Variants in GTSF1 observed in about 807,000 individuals in gnomAD.
The protein encoded by GTSF1 is gametocyte specific factor 1, also known as gametocyte-specific factor 1.
A neutral mutation model predicts 28.9 loss-of-function variants in GTSF1; 11 were observed. That is an observed-to-expected ratio of 0.38 (90% CI 0.24 to 0.63). GTSF1 has a LOEUF of 0.63. Among genes scored for constraint, GTSF1 ranks in the 30% least tolerant of loss-of-function variants. The pLI is 0.56. For missense variants in GTSF1, 146 were observed against 201.0 expected, an observed-to-expected ratio of 0.73 and a Z score of 1.66; for synonymous variants, 69 against 65.6, an observed-to-expected ratio of 1.05 and a Z score of -0.25.
At chr12:54,458,521 A>C (rs1436606150) in intron 8 of GTSF1, among the ~76,000 whole-genome samples, 1 of 151,870 alleles carries the variant, frequency 6.6e-6, no homozygotes, top group Non-Finnish European at 1.5e-5. Flanking sequence ...ACAGGCGTGC[A>C]CCACCACGCC....
chr12:54,469,680 T>G (rs1372779533), intron 2 of GTSF1, among the ~76,000 whole-genome samples: 13 of 111,152 alleles, frequency 1.2e-4, no homozygotes, highest in Non-Finnish European at 2.1e-4. Context: ...AGAGCGAGAC[T>G]CCTTCTCAAA....
At chr12:54,464,736 T>C in intron 3 of GTSF1, 1 of 161,878 alleles carries the variant, frequency 6.2e-6, no homozygotes, top group Non-Finnish European at 1.4e-5. Flanking sequence ...TCAATCATTG[T>C]TAGGCTCATG....
At chr12:54,462,548 G>T in intron 5 of GTSF1, 94 bp downstream of exon 5, 2 of 977,650 alleles carry the variant, frequency 2.0e-6, no homozygotes, top group South Asian at 1.5e-5. Flanking sequence ...TGAACAACAT[G>T]GTATGTTCAT....
intron 6 of GTSF1, 35 bp from the exon 7 acceptor site, chr12:54,460,506 C>T: frequency 7.0e-7 from 1 of 1,421,304 alleles, no homozygotes; most frequent in Non-Finnish European, 9.9e-7. Flanking sequence ...GTCGGCAGAT[C>T]AGTATCATTC....
chr12:54,471,869 ACC>A (rs71070819), intron 1 of GTSF1: 6 of 150,714 alleles, frequency 4.0e-5, no homozygotes, highest in East Asian at 1.9e-4. Context: ...AAACAAAACA[ACC>A]CCCCCCCAAA....
chr12:54,472,966 G>A (rs915839561), intron 1 of GTSF1, among the ~76,000 whole-genome samples: 33 of 152,168 alleles, frequency 2.2e-4, no homozygotes, highest in Admixed American at 2.2e-3. Context: ...TAAGTGATGA[G>A]CACCAGATTC....
intron 7 of GTSF1, among the ~76,000 whole-genome samples, chr12:54,459,765 C>T (rs1186797686): frequency 4.9e-5 from 5 of 102,826 alleles, no homozygotes; most frequent in South Asian, 3.1e-4. Flanking sequence ...CTCGCTCTGT[C>T]GCCCAGGCTG....
intron 2 of GTSF1, among the ~76,000 whole-genome samples, chr12:54,469,133 C>T (rs1259862825): frequency 2.0e-5 from 3 of 152,080 alleles, no homozygotes; most frequent in Non-Finnish European, 4.4e-5. Flanking sequence ...GGCTGGAGTG[C>T]AGTGGCGTGA....
intron 2 of GTSF1, among the ~76,000 whole-genome samples, chr12:54,470,088 T>C (rs1038713295): frequency 3.0e-4 from 46 of 152,194 alleles, no homozygotes; most frequent in African/African-American, 9.6e-4. Context: ...GGCAGAAGAA[T>C]TGCTTGAACC....
chr12:54,473,438 G>C (rs1348460866), intron 1 of GTSF1, 108 bp downstream of exon 1: 4 of 152,206 alleles, frequency 2.6e-5, no homozygotes, highest in Non-Finnish European at 5.9e-5. Flanking sequence ...GAGCCCACAA[G>C]GCTGAAGGCT....
At chr12:54,461,757 A>G (rs1162495763) in intron 6 of GTSF1, among the ~76,000 whole-genome samples, 1 of 152,176 alleles carries the variant, frequency 6.6e-6, no homozygotes, top group East Asian at 1.9e-4. Context: ...TTTCCTATAC[A>G]CTAGTTACCT....
intron 8 of GTSF1, among the ~76,000 whole-genome samples, chr12:54,457,036 G>C (rs981284223): frequency 6.6e-6 from 1 of 152,200 alleles, no homozygotes; most frequent in Admixed American, 6.5e-5. Context: ...AGTGAGCCGA[G>C]ATTGCGCCAC....
At chr12:54,465,233 G>GTGTGCCTGGAATGCT in intron 2 of GTSF1, 66 bp from the exon 3 acceptor site, 1 of 1,034,452 alleles carries the variant, frequency 9.7e-7, no homozygotes. Flanking sequence ...CAGCATTCCA[G>GTGTGCCTGGAATGCT]GCACACTGGA....
chr12:54,462,954 T>C (rs1477513042), intron 4 of GTSF1, among the ~76,000 whole-genome samples: 1 of 152,204 alleles, frequency 6.6e-6, no homozygotes, highest in Non-Finnish European at 1.5e-5. Flanking sequence ...TATTTTTAGA[T>C]GAATTATTAG....
At chr12:54,470,012 T>C (rs1956575217) in intron 2 of GTSF1, among the ~76,000 whole-genome samples, 1 of 152,010 alleles carries the variant, frequency 6.6e-6, no homozygotes, top group Non-Finnish European at 1.5e-5. Flanking sequence ...CGGTCTCTAC[T>C]AAAAATACAA....
At chr12:54,462,057 C>G in intron 6 of GTSF1, 52 bp downstream of exon 6, 1 of 1,378,284 alleles carries the variant, frequency 7.3e-7, no homozygotes, top group Non-Finnish European at 1.0e-6. Context: ...CTCTTGGTAA[C>G]AGAACACGCT....
In GTSF1 at chr12:54,462,697, C is replaced by G; in HGVS notation, c.273G>C (p.Glu91Asp). ...VVNQTRSLRQ[E>D]TLAESTWQCP... is the part of the protein sequence containing the mutation. ...ACTGCCAAGTGCTCTCAGCCAGAGT[C>G]TCTTGTCTAAGGCTCCTGGTTTGGT... is the stretch of plus-strand genomic sequence containing the variant. Residue 91 changes from glutamate (E) to aspartate (D), a missense_variant, in exon 5 of 9, where the codon GAG (glutamate) becomes GAC (aspartate). Physicochemically the swap from Glu to Asp is conservative, Grantham distance 45. Transcript: ENST00000305879. 1 of 1,614,058 alleles carries G rather than the reference C, an allele frequency of 6.2e-7. No individual in the cohort carries two copies. The highest frequency in any genetic ancestry group is 8.5e-7 in the Non-Finnish European group (1 of 1,179,950).
Position 54,460,164 on chromosome 12 carries a change from G to A in GTSF1, c.487+213C>T, listed in dbSNP as rs74089994. Among the ~76,000 whole-genome samples the A allele has an allele frequency of 8.7e-4, 133 of 152,240 alleles. 2 individuals are homozygous for A. The highest frequency in any genetic ancestry group is 2.9e-3 in the African/African-American group (122 of 41,550). On this transcript the variant is annotated intron_variant, in intron 7 of 8. Transcript: ENST00000305879. ...TTGAAAATATTCTTTTGGCTTCTGT[G>A]ATCTTATACTTTCCTGTTCATAATT...
chr12:54,468,734 A>C (rs1052129638), intron 2 of GTSF1: 3 of 152,206 alleles, frequency 2.0e-5, no homozygotes, highest in African/African-American at 7.2e-5. Context: ...GAGAAGACAG[A>C]GATGTTCAGG....
Sources: allele counts gnomAD v4.1 joint callset (sites outside exome capture counted in the v4.1 genomes callset), GRCh38; gene constraint gnomAD v4.1.1; transcripts MANE v1.5; gene names NCBI Gene and HGNC (gene_info 2026-07-23, HGNC 2026-07-21).